The following BAIAP2L1 variants were observed in gnomAD, a reference collection of about 807,000 sequenced individuals.
The protein encoded by BAIAP2L1 is BAR/IMD domain containing adaptor protein 2 like 1, also known as BAR/IMD domain-containing adapter protein 2-like 1.
In BAIAP2L1, 35 loss-of-function variants were observed where a neutral mutation model predicts 66.3. The ratio of observed to expected loss-of-function variants is 0.53; its 90% CI spans 0.40 to 0.70. BAIAP2L1 has a LOEUF of 0.70. Among genes scored for constraint, BAIAP2L1 ranks in the 30% least tolerant of loss-of-function variants. The probability of loss-of-function intolerance (pLI) is 0.00; values close to 1 mark genes in which losing one functional copy is unlikely to be tolerated. For synonymous variants in BAIAP2L1, 269 were observed against 248.7 expected (o/e 1.08, Z -0.77); for missense variants, 622 against 656.9 (o/e 0.95, Z 0.58).
chr7:98,387,678 A>C (rs1802928307), intron 1 of BAIAP2L1, among the ~76,000 whole-genome samples: 1 of 150,982 alleles, frequency 6.6e-6, no homozygotes, highest in Non-Finnish European at 1.5e-5. Context: ...TGGCCAACAA[A>C]GTGAGGCAGG....
chr7:98,333,282 G>A (rs185689526), intron 3 of BAIAP2L1, among the ~76,000 whole-genome samples: 234 of 152,252 alleles, frequency 1.5e-3, no homozygotes, highest in Middle Eastern at 3.4e-3. Flanking sequence ...CAATGCCTAC[G>A]AGACAGGAGA....
intron 1 of BAIAP2L1, chr7:98,386,391 C>G (rs529446099): frequency 6.3e-7 from 1 of 1,592,736 alleles, no homozygotes; most frequent in South Asian, 1.1e-5. Flanking sequence ...TTCAAACACA[C>G]GACCCTTGAG....
intron 3 of BAIAP2L1, among the ~76,000 whole-genome samples, chr7:98,348,825 G>A (rs555072278): frequency 4.6e-5 from 7 of 152,346 alleles, no homozygotes; most frequent in South Asian, 2.1e-4. Context: ...ACCCACTGCC[G>A]AAGGTGAAGT....
intron 1 of BAIAP2L1, among the ~76,000 whole-genome samples, chr7:98,365,951 G>A (rs1443607916): frequency 6.6e-6 from 1 of 152,122 alleles, no homozygotes; most frequent in East Asian, 1.9e-4. Flanking sequence ...TCAAACGTGT[G>A]GTGATCCCTG....
chr7:98,399,282 G>A (rs1436805936), intron 1 of BAIAP2L1, among the ~76,000 whole-genome samples: 2 of 152,130 alleles, frequency 1.3e-5, no homozygotes, highest in African/African-American at 4.8e-5. Flanking sequence ...CTCCCTACCT[G>A]TAAGGCATAA....
intron 3 of BAIAP2L1, among the ~76,000 whole-genome samples, chr7:98,339,096 TTTG>T (rs1176183217): frequency 6.6e-6 from 1 of 150,386 alleles, no homozygotes; most frequent in African/African-American, 2.4e-5. Context: ...AAAAAAAGAC[TTTG>T]TGTGGGCATA....
rs551386975 is a variant in BAIAP2L1, at chr7:98,330,331, T to C, written c.215-10033A>G. Among the ~76,000 whole-genome samples, 5 of 152,300 alleles carry C rather than the reference T, an allele frequency of 3.3e-5. No individual in the cohort carries two copies. The East Asian group carries it at 9.6e-4, about 29-fold the overall frequency. On this transcript the variant is annotated intron_variant, in intron 3 of 13. Coordinates refer to ENST00000005260, the MANE Select transcript of BAIAP2L1 (RefSeq NM_018842.5). ...GTGTTAGTCCGTTTTGTGTTGCTTA[T>C]AAAGAACACCCGAGACTGGGTAATT... is the stretch of plus-strand genomic sequence containing the variant.
intron 1 of BAIAP2L1, among the ~76,000 whole-genome samples, chr7:98,377,404 T>C (rs912159069): frequency 1.3e-5 from 2 of 152,216 alleles, no homozygotes; most frequent in East Asian, 3.8e-4. Flanking sequence ...ACAGCAACTG[T>C]AGCCATTTCC....
At position 98,330,424 on chromosome 7, in the gene BAIAP2L1, G is replaced by A. The variant is rs1011003109; in HGVS notation, c.215-10126C>T. ...TGTAATGCCAGCACTTTGGGAGACC[G>A]AGGCGGGCGGATCATCTGAGGTCAG... On this transcript the variant is annotated intron_variant, in intron 3 of 13. Coordinates refer to ENST00000005260, the MANE Select transcript of BAIAP2L1 (RefSeq NM_018842.5). Among the ~76,000 whole-genome samples the A allele has an allele frequency of 3.3e-5, 5 of 152,176 alleles. No individual in the cohort carries two copies. In the East Asian group the frequency reaches 5.8e-4, roughly 18 times the overall value.
At chr7:98,388,847 G>A (rs1802956008) in intron 1 of BAIAP2L1, among the ~76,000 whole-genome samples, 1 of 151,900 alleles carries the variant, frequency 6.6e-6, no homozygotes, top group Non-Finnish European at 1.5e-5. Flanking sequence ...GGCGGCACGT[G>A]CCTGTAGTCC....
chr7:98,301,359 C>T (rs146643793), intron 12 of BAIAP2L1, among the ~76,000 whole-genome samples: 4 of 152,146 alleles, frequency 2.6e-5, no homozygotes, highest in East Asian at 1.9e-4. Flanking sequence ...GATTAGAATC[C>T]GCATAAGGAG....
intron 3 of BAIAP2L1, among the ~76,000 whole-genome samples, chr7:98,329,601 C>T (rs1216984603): frequency 6.6e-6 from 1 of 151,904 alleles, no homozygotes; most frequent in Non-Finnish European, 1.5e-5. Context: ...GTTCTCTGTA[C>T]GGAAGGCCGG....
At chr7:98,353,553 AAT>A (rs981467154) in intron 3 of BAIAP2L1, among the ~76,000 whole-genome samples, 2 of 136,024 alleles carry the variant, frequency 1.5e-5, no homozygotes, top group African/African-American at 5.5e-5. Context: ...TTATATTATA[AAT>A]ATATGTATAT....
At chr7:98,393,007 G>C (rs1412326427) in intron 1 of BAIAP2L1, among the ~76,000 whole-genome samples, 1 of 148,248 alleles carries the variant, frequency 6.7e-6, no homozygotes, top group Non-Finnish European at 1.5e-5. Context: ...TGTAATTTTT[G>C]TGTATATATA....
At chr7:98,316,193 C>T (rs746696058) in intron 6 of BAIAP2L1, among the ~76,000 whole-genome samples, 59 of 152,152 alleles carry the variant, frequency 3.9e-4, no homozygotes, top group Non-Finnish European at 2.2e-4. Context: ...CCATGTAAGA[C>T]GTGACTTGCT....
At chr7:98,342,041 ATTTTTT>A (rs142061599) in intron 3 of BAIAP2L1, among the ~76,000 whole-genome samples, 2 of 95,072 alleles carry the variant, frequency 2.1e-5, no homozygotes, top group African/African-American at 7.9e-5. Flanking sequence ...TTTTTTTCTG[ATTTTTT>A]TTTTTTTTTT....
rs576525157 is a variant in BAIAP2L1 at position 98,346,498 on chromosome 7, A to G, written c.214+8544T>C. Among the ~76,000 whole-genome samples the G allele has an allele frequency of 1.5e-3, 221 of 152,338 alleles. 2 individuals carry two copies. Among genetic ancestry groups the G allele is most frequent in the African/African-American group, 5.1e-3 (213 of 41,580 alleles). ...AATCAAAATTCCAAGTGAATTTTTT[A>G]AAGTGGAAATTGACAAGCTGATTCT... On this transcript the variant is annotated intron_variant, in intron 3 of 13. Transcript: ENST00000005260.
chr7:98,394,242 AAAAC>A (rs58526170), intron 1 of BAIAP2L1, among the ~76,000 whole-genome samples: 7 of 150,554 alleles, frequency 4.6e-5, no homozygotes, highest in Middle Eastern at 3.4e-3. Flanking sequence ...CTCCGTCTCA[AAAAC>A]AAACAAACAA....
chr7:98,343,248 T>TACACACACACAC (rs57033582), intron 3 of BAIAP2L1, among the ~76,000 whole-genome samples: 26 of 128,592 alleles, frequency 2.0e-4, no homozygotes, highest in Non-Finnish European at 2.8e-4. Flanking sequence ...AAAAAAAAAA[T>TACACACACACAC]ACACACACAC....
Sources: gnomAD v4.1 joint callset for allele counts (sites outside exome capture counted in the v4.1 genomes callset) on GRCh38, gnomAD v4.1.1 for gene constraint, MANE v1.5 for transcripts, NCBI Gene and HGNC (gene_info 2026-07-23, HGNC 2026-07-21) for gene names.